The following UTY variants were observed in gnomAD, a reference collection of about 807,000 sequenced individuals.
The protein encoded by UTY is ubiquitously transcribed tetratricopeptide repeat containing, Y-linked.
Under a neutral mutation model 32.5 loss-of-function variants are expected in UTY, and 12 were observed. The observed-to-expected ratio is 0.37, with a 90% CI of 0.24 to 0.60. The LOEUF (loss-of-function observed/expected upper bound fraction) is 0.60. Among genes scored for constraint, UTY ranks in the 20% least tolerant of loss-of-function variants. The pLI is 0.69. For missense variants in UTY, 303 were observed against 299.2 expected (o/e 1.01, Z -0.09); for synonymous variants, 131 against 103.4 (o/e 1.27, Z -1.62).
rs1320874042 is a variant in UTY, at chrY:13,306,248, T to C, written c.3279A>G (p.Glu1093=). ...QASSFQESLR[E]ENEKRTQHKD... ...TGTGTTGTGTTCTTTTCTCATTTTC[T>C]TCCTTCAGGTTAAGAAAAAAATATT... Residue 1093 remains glutamate, a splice_region_variant and synonymous_variant, in exon 22 of 30, where the codon GAA becomes GAG. Transcript: ENST00000545955. The C allele has an allele frequency of 7.7e-6, 3 of 387,250 alleles. No homozygotes were observed. The South Asian group carries it at 9.2e-5, about 12-fold the overall frequency.
At chrY:13,252,361 G>C in intron 28 of UTY, among the ~76,000 whole-genome samples, 1 of 33,049 alleles carries the variant, frequency 3.0e-5, no homozygotes. Flanking sequence ...GATCAACTGT[G>C]CTGGTAATTT....
chrY:13,275,371 G>A (rs2056607813), intron 27 of UTY, among the ~76,000 whole-genome samples: 1 of 33,638 alleles, frequency 3.0e-5, no homozygotes, highest in African/African-American at 1.2e-4. Flanking sequence ...GTTCAGAAAC[G>A]TCAGTATTCA....
At chrY:13,272,809 C>A in intron 27 of UTY, among the ~76,000 whole-genome samples, 2 of 33,530 alleles carry the variant, frequency 6.0e-5, no homozygotes, top group Non-Finnish European at 1.5e-4. Context: ...ACTTGGCTCA[C>A]TGCTGTGACC....
intron 21 of UTY, among the ~76,000 whole-genome samples, chrY:13,320,281 A>G (rs1000048211): frequency 9.3e-4 from 31 of 33,159 alleles, no homozygotes; most frequent in Non-Finnish European, 2.2e-3. Context: ...TGCCACAGAG[A>G]TAACACATTT....
chrY:13,274,926 A>G (rs2056589353), intron 27 of UTY, among the ~76,000 whole-genome samples: 2 of 33,159 alleles, frequency 6.0e-5, no homozygotes, highest in Admixed American at 5.6e-4. Context: ...TAGGTATAAC[A>G]ATGGTATGGT....
At chrY:13,356,087 A>T in intron 15 of UTY, 69 bp from the exon 16 acceptor site, 2 of 198,143 alleles carry the variant, frequency 1.0e-5, no homozygotes, top group Non-Finnish European at 8.6e-6. Context: ...GCAACTCCTC[A>T]CTAAAAAGAC....
At chrY:13,465,270 G>T in intron 3 of UTY, among the ~76,000 whole-genome samples, 3 of 33,486 alleles carry the variant, frequency 9.0e-5, no homozygotes, top group Non-Finnish European at 1.5e-4. Context: ...AATACAAAAA[G>T]AATGTGATGT....
chrY:13,263,250 T>C, intron 27 of UTY, among the ~76,000 whole-genome samples: 3 of 33,417 alleles, frequency 9.0e-5, no homozygotes, highest in Non-Finnish European at 2.2e-4. Context: ...ATTAACAATA[T>C]TGAATAACTC....
chrY:13,234,620 T>C, exon 29 of UTY: 1 of 134,588 alleles, frequency 7.4e-6, no homozygotes, highest in South Asian at 3.9e-5. Context: ...AGTGACAGAA[T>C]AGCCCTGGAT....
At chrY:13,442,807 G>A (rs2075318673) in intron 4 of UTY, among the ~76,000 whole-genome samples, 1 of 33,579 alleles carries the variant, frequency 3.0e-5, no homozygotes, top group Non-Finnish European at 7.4e-5. Flanking sequence ...CCCCAGGTAG[G>A]TGGCTGGTTA....
At chrY:13,275,377 A>T in intron 27 of UTY, among the ~76,000 whole-genome samples, 1 of 33,866 alleles carries the variant, frequency 3.0e-5, no homozygotes, top group Admixed American at 2.7e-4. Flanking sequence ...AAACGTCAGT[A>T]TTCATCACCT....
At chrY:13,343,148 C>T (rs2061618470) in intron 17 of UTY, among the ~76,000 whole-genome samples, 1 of 32,968 alleles carries the variant, frequency 3.0e-5, no homozygotes, top group African/African-American at 1.2e-4. Context: ...AGTCTTGGTA[C>T]AAACACTAGG....
intron 4 of UTY, among the ~76,000 whole-genome samples, chrY:13,432,973 C>A (rs2074155804): frequency 3.0e-5 from 1 of 33,859 alleles, no homozygotes; most frequent in Non-Finnish European, 7.3e-5. Flanking sequence ...AAAGTCCCCA[C>A]ACAACAAAAG....
chrY:13,449,679 A>G (rs951043526), intron 3 of UTY, among the ~76,000 whole-genome samples: 6 of 33,539 alleles, frequency 1.8e-4, no homozygotes, highest in Non-Finnish European at 3.0e-4. Context: ...TGACAAAACT[A>G]GGAAAACTCA....
chrY:13,330,082 A>T, intron 18 of UTY, among the ~76,000 whole-genome samples: 1 of 33,788 alleles, frequency 3.0e-5, no homozygotes, highest in Admixed American at 2.7e-4. Flanking sequence ...ATTGTCTTTC[A>T]ATTCCCAGAA....
intron 27 of UTY, among the ~76,000 whole-genome samples, chrY:13,274,860 G>A (rs889194877): frequency 8.7e-4 from 28 of 32,070 alleles, no homozygotes; most frequent in Non-Finnish European, 1.8e-3. Flanking sequence ...TAAAAAGGCC[G>A]TTTTTTAATA....
chrY:13,315,749 A>G, intron 21 of UTY, among the ~76,000 whole-genome samples: 4 of 32,848 alleles, frequency 1.2e-4, no homozygotes, highest in Admixed American at 1.1e-3. Flanking sequence ...CTCCCATTCT[A>G]TTCAAAGCCA....
Position 13,323,748 on chromosome Y carries a change from A to G in UTY, c.3083T>C (p.Phe1028Ser). Residue 1028 changes from phenylalanine (F) to serine (S), a missense_variant, in exon 21 of 30, where the codon TTC (phenylalanine) becomes TCC (serine). By Grantham distance (155) the Phe-to-Ser change is radical. Transcript: ENST00000545955. ...AGALKLDLGLFSTKTLVEANN... is the reference protein window; with the variant it reads ...AGALKLDLGLSSTKTLVEANN... ...AGCTTCTACCAAAGTTTTGGTAGAGAAAAGTCCAAGATCTTTAAAAATAAT... is the reference window on the plus strand; with the variant it reads ...AGCTTCTACCAAAGTTTTGGTAGAGGAAAGTCCAAGATCTTTAAAAATAAT... The G allele has an allele frequency of 2.6e-6, 1 of 390,407 alleles. No homozygotes were observed. The highest frequency in any genetic ancestry group is 3.6e-6 in the Non-Finnish European group (1 of 276,304).
chrY:13,252,987 C>G (rs999837357), intron 28 of UTY, among the ~76,000 whole-genome samples: 33 of 33,157 alleles, frequency 1.0e-3, no homozygotes, highest in Non-Finnish European at 1.9e-3. Context: ...TGTCTTTAAT[C>G]CCTCTATATA....
Sources: gnomAD v4.1 joint callset for allele counts (sites outside exome capture counted in the v4.1 genomes callset) on GRCh38, gnomAD v4.1.1 for gene constraint, MANE v1.5 for transcripts, NCBI Gene and HGNC (gene_info 2026-07-23, HGNC 2026-07-21) for gene names.